SPG11: variants seen among roughly 807,000 people sequenced by gnomAD.
The protein encoded by SPG11 is SPG11 vesicle trafficking associated, spatacsin, also known as spatacsin.
SPG11 carries 222 observed loss-of-function variants against 274.0 expected under a neutral mutation model. The ratio of observed to expected loss-of-function variants is 0.81; its 90% CI spans 0.73 to 0.91. SPG11 has a LOEUF of 0.91. SPG11 is among the 40% of genes least tolerant of loss of function. SPG11 has a pLI of 0.00. For missense variants in SPG11, 3,114 were observed against 2,872.7 expected (o/e 1.08, Z -1.92); for synonymous variants, 1,144 against 1,039.7 (o/e 1.10, Z -1.93).
chr15:44,585,863 G>C lies in SPG11; in HGVS notation c.4907-13C>G, dbSNP rs778489486. 20 of 1,609,026 alleles carry C rather than the reference G, an allele frequency of 1.2e-5. No homozygotes were observed. Among genetic ancestry groups the C allele is most frequent in the Non-Finnish European group, 1.4e-5 (17 of 1,177,232 alleles). ...TTCACATCTGGACCTGTGCCAAAGA[G>C]AAAAGGATATAAACATTTAGTCAAT... On this transcript the variant is annotated splice_polypyrimidine_tract_variant and intron_variant, in intron 28 of 39. Coordinates refer to ENST00000261866, the MANE Select transcript of SPG11 (RefSeq NM_025137.4).
Position 44,563,012 on chromosome 15 carries a change from C to T in SPG11, c.*109G>A. 2 of 1,090,380 alleles carry T rather than the reference C, an allele frequency of 1.8e-6. No homozygotes were observed. Among genetic ancestry groups the T allele is most frequent in the Non-Finnish European group, 2.8e-6 (2 of 724,780 alleles). The allele number at this position is 1,090,380 out of a possible 1,614,324, so 67.5% of individuals were successfully genotyped here. A position where few individuals can be genotyped will look rare whatever the true frequency, so the allele number is the denominator to read the frequency against. ...CTACCCACAAAGGACTGATATGGTA[C>T]AGTACCGGGATTGTTCAACTTTAGC... On this transcript the variant is annotated 3_prime_UTR_variant, in exon 40 of 40. Transcript: ENST00000261866.
At position 44,585,694 on chromosome 15, in the gene SPG11, A is replaced by G; in HGVS notation, c.5063T>C (p.Leu1688Ser). The G allele has an allele frequency of 6.2e-7, 1 of 1,613,776 alleles. No homozygotes were observed. Among genetic ancestry groups the G allele is most frequent in the Non-Finnish European group, 8.5e-7 (1 of 1,179,960 alleles). The change falls in exon 29 of 40, where the codon TTG becomes TCG. Residue 1688 changes from leucine (L) to serine (S), a missense_variant. Leu to Ser is a moderately radical substitution (Grantham distance 145). Transcript: ENST00000261866. ...ERLQTDGQFA[L>S]ARRVAELAEL... is the part of the protein sequence containing the mutation. Reference sequence around the variant, plus strand: ...AGCTAATTCTGCTACCCTCCTGGCCAAAGCGAATTGTCCATCTGTCTGCAG... The same window carrying G: ...AGCTAATTCTGCTACCCTCCTGGCCGAAGCGAATTGTCCATCTGTCTGCAG...
intron 23 of SPG11, among the ~76,000 whole-genome samples, chr15:44,597,814 A>G (rs1366166745): frequency 3.3e-5 from 5 of 152,246 alleles, no homozygotes; most frequent in Non-Finnish European, 7.3e-5. Context: ...CGGTCACTTC[A>G]GCTTCCATTA....
chr15:44,622,740 T>C lies in SPG11; in HGVS notation c.2304A>G (p.Ile768Met), dbSNP rs1555455851. 6.2e-7 allele frequency: 1 copy of C among 1,613,042 alleles called. No homozygotes were observed. The highest frequency in any genetic ancestry group is 8.5e-7 in the Non-Finnish European group (1 of 1,179,076). Residue 768 changes from isoleucine (I) to methionine (M), a missense_variant, in exon 12 of 40, where the codon ATA becomes ATG. Ile to Met is a conservative substitution (Grantham distance 10, BLOSUM62 1). Coordinates refer to ENST00000261866, the MANE Select transcript of SPG11 (RefSeq NM_025137.4). ...CACCTTTACCTACCAAAAAGTCACG[T>C]ATATTTTTATTAGTTGTATAGAAGC... is the stretch of plus-strand genomic sequence containing the variant. ...KICFYTTNKN[I>M]RDFLVEILKE...
intron 30 of SPG11, among the ~76,000 whole-genome samples, chr15:44,581,894 A>G (rs1002633888): frequency 6.6e-6 from 1 of 152,144 alleles, no homozygotes; most frequent in Non-Finnish European, 1.5e-5. Context: ...AAAAAATAAA[A>G]TTAAACTATA....
chr15:44,660,716 T>G, intron 1 of SPG11, 100 bp from the exon 2 acceptor site: 1 of 1,095,148 alleles, frequency 9.1e-7, no homozygotes, highest in South Asian at 1.3e-5. Flanking sequence ...AACAGTTTAG[T>G]TGACCTGGTA....
At chr15:44,662,321 C>G (rs2085135591) in intron 1 of SPG11, among the ~76,000 whole-genome samples, 1 of 152,000 alleles carries the variant, frequency 6.6e-6, no homozygotes, top group Non-Finnish European at 1.5e-5. Flanking sequence ...TAATAAGACA[C>G]CTTTTGGCTA....
At chr15:44,592,070 C>T (rs970534504) in intron 27 of SPG11, among the ~76,000 whole-genome samples, 1 of 149,856 alleles carries the variant, frequency 6.7e-6, no homozygotes, top group Non-Finnish European at 1.5e-5. Flanking sequence ...GAGATCATGC[C>T]ACCGCACTCC....
chr15:44,641,309 T>C (rs768994434), intron 7 of SPG11, among the ~76,000 whole-genome samples: 1 of 151,900 alleles, frequency 6.6e-6, no homozygotes, highest in East Asian at 1.9e-4. Flanking sequence ...ACAGAAACTA[T>C]ATAATTTAAG....
chr15:44,608,673 C>A (rs1192370622), intron 18 of SPG11, 68 bp from the exon 19 acceptor site: 1 of 1,483,618 alleles, frequency 6.7e-7, no homozygotes, highest in African/African-American at 1.4e-5. Context: ...CTTTTTTTCA[C>A]AAGAACCTTG....
intron 26 of SPG11, among the ~76,000 whole-genome samples, chr15:44,593,779 G>C (rs187066084): frequency 6.9e-6 from 1 of 144,194 alleles, no homozygotes; most frequent in Admixed American, 6.9e-5. Context: ...TTTGAGACAC[G>C]GTCTTGCTCT....
At chr15:44,584,589 T>C (rs2082720220) in intron 29 of SPG11, 31 bp from the exon 30 acceptor site, 1 of 1,600,842 alleles carries the variant, frequency 6.2e-7, no homozygotes, top group Non-Finnish European at 8.5e-7. Flanking sequence ...GATTTTAGCC[T>C]TTCTTGGATA....
At position 44,657,301 on chromosome 15, in the gene SPG11, T is replaced by C. The variant is rs1177386932; in HGVS notation, c.668-5A>G. ...CATCCACAACATCAAAAATGTCTTT[T>C]AGTTAGAGTTAAAAGAAAATGCCAG... is the stretch of plus-strand genomic sequence containing the variant. On this transcript the variant is annotated splice_polypyrimidine_tract_variant and splice_region_variant and intron_variant, in intron 3 of 39. Transcript: ENST00000261866. 1 of 1,613,966 alleles carries C rather than the reference T, an allele frequency of 6.2e-7. No homozygotes were observed. Among genetic ancestry groups the C allele is most frequent in the African/African-American group, 1.3e-5 (1 of 74,954 alleles).
intron 19 of SPG11, among the ~76,000 whole-genome samples, chr15:44,607,334 T>G (rs1471136812): frequency 6.6e-6 from 1 of 152,148 alleles, no homozygotes; most frequent in Non-Finnish European, 1.5e-5. Context: ...CAGGCTAGAG[T>G]GCAATGGTGC....
chr15:44,604,461 T>C (rs151308179), intron 20 of SPG11, among the ~76,000 whole-genome samples: 294 of 152,294 alleles, frequency 1.9e-3, no homozygotes, highest in Middle Eastern at 3.4e-3. Flanking sequence ...TTTTAGCACG[T>C]TGGGGCTTAG....
intron 28 of SPG11, among the ~76,000 whole-genome samples, chr15:44,586,575 C>T (rs1360149130): frequency 4.0e-5 from 6 of 151,752 alleles, no homozygotes; most frequent in Admixed American, 1.3e-4. Context: ...ACCTGGGAGG[C>T]GGAGGTTGAA....
At chr15:44,566,167 A>C (rs769605348) in intron 37 of SPG11, 50 bp downstream of exon 37, 2 of 1,606,216 alleles carry the variant, frequency 1.2e-6, no homozygotes, top group Non-Finnish European at 1.7e-6. Context: ...AAATAATTTT[A>C]CTGCAGACAG....
At position 44,600,573 on chromosome 15, in the gene SPG11, C is replaced by A. The variant is rs1230833057; in HGVS notation, c.3580G>T (p.Val1194Leu). The A allele has an allele frequency of 6.2e-7, 1 of 1,614,056 alleles. No individual in the cohort carries two copies. The highest frequency in any genetic ancestry group is 8.5e-7 in the Non-Finnish European group (1 of 1,180,040). The change falls in exon 21 of 40, where the codon GTG (valine) becomes TTG (leucine). Residue 1194 changes from valine to leucine, a missense_variant. Transcript: ENST00000261866. ...TAATAAGCAAAATTCAGACGTTCCA[C>A]TATAGCATATTTATTAACCAGGTCA... ...SPDLVNKYAI[V>L]ERLNFAYYLH...
intron 8 of SPG11, among the ~76,000 whole-genome samples, chr15:44,630,980 A>AC (rs1261454826): frequency 6.6e-6 from 1 of 152,226 alleles, no homozygotes; most frequent in Non-Finnish European, 1.5e-5. Flanking sequence ...AGCTAATACT[A>AC]CATCAGTGGA....
Sources: gnomAD v4.1 joint callset for allele counts (sites outside exome capture counted in the v4.1 genomes callset) on GRCh38, gnomAD v4.1.1 for gene constraint, MANE v1.5 for transcripts, NCBI Gene and HGNC (gene_info 2026-07-23, HGNC 2026-07-21) for gene names.